Variants in ARHGAP12 observed in about 807,000 individuals in gnomAD.
The protein encoded by ARHGAP12 is rho GTPase-activating protein 12.
In ARHGAP12, 64 loss-of-function variants were observed where a neutral mutation model predicts 108.6. That is an observed-to-expected ratio of 0.59 (90% CI 0.48 to 0.73). The LOEUF (loss-of-function observed/expected upper bound fraction) is 0.73. Among genes scored for constraint, ARHGAP12 ranks in the 30% least tolerant of loss-of-function variants. The pLI is 0.00. For missense variants in ARHGAP12, 940 were observed against 1,005.9 expected (o/e 0.93, Z 0.89); for synonymous variants, 312 against 337.2 (o/e 0.93, Z 0.82).
At chr10:31,862,567 C>T (rs933827603) in intron 3 of ARHGAP12, among the ~76,000 whole-genome samples, 1 of 152,218 alleles carries the variant, frequency 6.6e-6, no homozygotes, top group Admixed American at 6.5e-5. Flanking sequence ...CCTTTTACAG[C>T]AAGATTTCTT....
chr10:31,861,509 T>G lies in ARHGAP12; in HGVS notation c.834A>C (p.Ser278=). Reference sequence around the variant, plus strand: ...CTCTGTTATAGTAATAGCAACGCCCTGAGCTGTCTTTATGAGTTTCCCATT... The same window carrying G: ...CTCTGTTATAGTAATAGCAACGCCCGGAGCTGTCTTTATGAGTTTCCCATT... ...NGEWETHKDS[S]GRCYYYNRGT... is the part of the protein sequence containing the mutation. Residue 278 remains serine, a synonymous_variant, in exon 4 of 20, where the codon TCA becomes TCC. Coordinates refer to ENST00000344936, the MANE Select transcript of ARHGAP12 (RefSeq NM_018287.7). 1 of 1,614,158 alleles carries G rather than the reference T, an allele frequency of 6.2e-7. No homozygotes were observed. The highest frequency in any genetic ancestry group is 8.5e-7 in the Non-Finnish European group (1 of 1,180,024).
intron 3 of ARHGAP12, among the ~76,000 whole-genome samples, chr10:31,863,424 T>G (rs994647636): frequency 6.6e-6 from 1 of 152,124 alleles, no homozygotes; most frequent in South Asian, 2.1e-4. Flanking sequence ...CTTGGGGAAA[T>G]AAAGATGCTA....
intron 1 of ARHGAP12, among the ~76,000 whole-genome samples, chr10:31,916,977 T>C (rs191051136): frequency 2.0e-5 from 3 of 152,308 alleles, no homozygotes; most frequent in Non-Finnish European, 2.9e-5. Flanking sequence ...ACGTATAACC[T>C]ATTTAGCAAT....
intron 3 of ARHGAP12, among the ~76,000 whole-genome samples, chr10:31,906,968 A>G (rs1839157522): frequency 6.6e-6 from 1 of 152,198 alleles, no homozygotes; most frequent in Non-Finnish European, 1.5e-5. Context: ...AAGACACACA[A>G]TGATAAACTG....
Position 31,854,119 on chromosome 10 carries a change from C to T in ARHGAP12, c.1036G>A (p.Glu346Lys), listed in dbSNP as rs764308219. Residue 346 changes from glutamate to lysine, a missense_variant, in exon 5 of 20, where the codon GAG (glutamate) becomes AAG (lysine). Transcript: ENST00000344936. ...AAGGTATGCCCACGTTCATCCAACT[C>T]TTCTGACCAACCCCTTGGAGGAGAA... is the stretch of plus-strand genomic sequence containing the variant. ...CGSPPRGWSEELDERGHTLYT... is the reference protein window; with the variant it reads ...CGSPPRGWSEKLDERGHTLYT... The T allele has an allele frequency of 6.2e-7, 1 of 1,613,978 alleles. No individual in the cohort carries two copies. The highest frequency in any genetic ancestry group is 1.1e-5 in the South Asian group (1 of 91,066).
At chr10:31,882,105 G>A (rs1310366810) in intron 3 of ARHGAP12, among the ~76,000 whole-genome samples, 1 of 151,856 alleles carries the variant, frequency 6.6e-6, no homozygotes, top group Non-Finnish European at 1.5e-5. Flanking sequence ...TAGTAGAGAC[G>A]GGGTTTCACC....
chr10:31,892,751 A>C (rs1281068269), intron 3 of ARHGAP12, among the ~76,000 whole-genome samples: 1 of 152,240 alleles, frequency 6.6e-6, no homozygotes, highest in Non-Finnish European at 1.5e-5. Flanking sequence ...CACCAAGCAG[A>C]TCTAATAGAC....
At chr10:31,816,107 T>C (rs1480760522) in intron 13 of ARHGAP12, among the ~76,000 whole-genome samples, 1 of 151,096 alleles carries the variant, frequency 6.6e-6, no homozygotes, top group African/African-American at 2.4e-5. Context: ...GCTAAGATCA[T>C]GCCATTGCAC....
chr10:31,879,006 T>TC (rs1837839785), intron 3 of ARHGAP12, among the ~76,000 whole-genome samples: 1 of 152,226 alleles, frequency 6.6e-6, no homozygotes, highest in Non-Finnish European at 1.5e-5. Flanking sequence ...AATGAAATCT[T>TC]CAACTATTTC....
At position 31,870,325 on chromosome 10, in the gene ARHGAP12, G is replaced by A. The variant is rs535294272; in HGVS notation, c.685-8667C>T. On this transcript the variant is annotated intron_variant, in intron 3 of 19. Coordinates refer to ENST00000344936, the MANE Select transcript of ARHGAP12 (RefSeq NM_018287.7). ...GCTCACTGCAACCTCCGCCTCCTGC[G>A]TTCAAGCAAATTCTCCTGCCTCAGC... is the stretch of plus-strand genomic sequence containing the variant. 3.6e-3 allele frequency among the ~76,000 whole-genome samples: 551 copies of A among 151,018 alleles called. 2 individuals carry two copies. The highest frequency in any genetic ancestry group is 5.6e-3 in the Non-Finnish European group (381 of 67,892).
At chr10:31,872,371 C>G (rs1378573882) in intron 3 of ARHGAP12, among the ~76,000 whole-genome samples, 1 of 152,148 alleles carries the variant, frequency 6.6e-6, no homozygotes, top group Non-Finnish European at 1.5e-5. Flanking sequence ...ACATATACCT[C>G]AAACTCACTA....
intron 11 of ARHGAP12, among the ~76,000 whole-genome samples, chr10:31,822,734 G>C (rs1188189594): frequency 6.6e-6 from 1 of 152,016 alleles, no homozygotes; most frequent in Non-Finnish European, 1.5e-5. Context: ...CCCTTTCCAA[G>C]TCATCTGTTG....
intron 6 of ARHGAP12, among the ~76,000 whole-genome samples, chr10:31,845,260 G>A (rs1026583898): frequency 1.3e-5 from 2 of 151,902 alleles, no homozygotes; most frequent in Non-Finnish European, 2.9e-5. Context: ...AAGTTTATAG[G>A]TTCTCTTGGG....
At chr10:31,834,322 G>A (rs1835935226) in intron 9 of ARHGAP12, among the ~76,000 whole-genome samples, 1 of 152,190 alleles carries the variant, frequency 6.6e-6, no homozygotes, top group Non-Finnish European at 1.5e-5. Flanking sequence ...GCCTTTGGGA[G>A]ATGATCAGGT....
chr10:31,829,248 C>CAACAATG (rs1835740856), intron 10 of ARHGAP12, among the ~76,000 whole-genome samples: 1 of 152,146 alleles, frequency 6.6e-6, no homozygotes, highest in Non-Finnish European at 1.5e-5. Context: ...AAAAGTTATA[C>CAACAATG]ATATAACATA....
At chr10:31,854,485 G>A (rs984783349) in intron 4 of ARHGAP12, among the ~76,000 whole-genome samples, 1 of 152,162 alleles carries the variant, frequency 6.6e-6, no homozygotes, top group Admixed American at 6.5e-5. Context: ...GAGCTCGAAT[G>A]TTACTTAGTG....
rs778314920 is a variant in ARHGAP12, at chr10:31,820,493, A to G, written c.1531-5T>C. 6.4e-7 allele frequency: 1 copy of G among 1,565,308 alleles called. No individual in the cohort carries two copies. The highest frequency in any genetic ancestry group is 8.6e-7 in the Non-Finnish European group (1 of 1,160,416). ...TTTGGACTGATTACTGCCAAACTTC[A>G]TTTTTGAAAAAGAAAAAAAACCTTC... On this transcript the variant is annotated splice_region_variant and splice_polypyrimidine_tract_variant and intron_variant, in intron 11 of 19. Coordinates refer to ENST00000344936, the MANE Select transcript of ARHGAP12 (RefSeq NM_018287.7).
At chr10:31,877,919 C>G (rs1837796233) in intron 3 of ARHGAP12, among the ~76,000 whole-genome samples, 3 of 152,120 alleles carry the variant, frequency 2.0e-5, no homozygotes, top group Admixed American at 1.3e-4. Context: ...TGGAGAAACC[C>G]TGTCTCTACA....
chr10:31,863,235 C>A (rs896449638), intron 3 of ARHGAP12, among the ~76,000 whole-genome samples: 1 of 152,178 alleles, frequency 6.6e-6, no homozygotes, highest in Non-Finnish European at 1.5e-5. Flanking sequence ...AGACAGATAT[C>A]ATTTCTCCTT....
Sources: allele counts gnomAD v4.1 joint callset (sites outside exome capture counted in the v4.1 genomes callset), GRCh38; gene constraint gnomAD v4.1.1; transcripts MANE v1.5; gene names NCBI Gene and HGNC (gene_info 2026-07-23, HGNC 2026-07-21).